The following DOCK2 variants were observed in gnomAD, a reference collection of about 807,000 sequenced individuals.
The protein encoded by DOCK2 is dedicator of cytokinesis protein 2.
DOCK2 carries 87 observed loss-of-function variants against 248.9 expected under a neutral mutation model. That is an observed-to-expected ratio of 0.35 (90% CI 0.29 to 0.42). The LOEUF (loss-of-function observed/expected upper bound fraction) is 0.42, where lower values mean the gene tolerates loss of function less well. Among genes scored for constraint, DOCK2 ranks in the 10% least tolerant of loss-of-function variants. The pLI, the probability that DOCK2 is intolerant of heterozygous loss-of-function variation, is 1.00. For synonymous variants in DOCK2, 805 were observed against 821.6 expected (o/e 0.98, Z 0.35); for missense variants, 1,747 against 2,300.2 (o/e 0.76, Z 4.92).
chr5:169,750,547 T>G (rs887960091), intron 23 of DOCK2, among the ~76,000 whole-genome samples: 2 of 152,236 alleles, frequency 1.3e-5, no homozygotes, highest in Non-Finnish European at 2.9e-5. Flanking sequence ...CTAATATGAT[T>G]ATTATGGTTT....
At chr5:169,772,941 C>T (rs1243218717) in intron 25 of DOCK2, 1 of 152,212 alleles carries the variant, frequency 6.6e-6, no homozygotes, top group Non-Finnish European at 1.5e-5. Flanking sequence ...TGGAGCGTTT[C>T]ATTTCTTCAA....
At chr5:169,728,065 G>A (rs1169748301) in intron 22 of DOCK2, among the ~76,000 whole-genome samples, 2 of 152,174 alleles carry the variant, frequency 1.3e-5, no homozygotes, top group Non-Finnish European at 2.9e-5. Flanking sequence ...GTTTACAGAT[G>A]AGGAGATGGC....
intron 27 of DOCK2, among the ~76,000 whole-genome samples, chr5:169,960,180 C>T (rs964698914): frequency 2.0e-5 from 3 of 152,182 alleles, no homozygotes; most frequent in Admixed American, 6.5e-5. Context: ...TGATAAATTT[C>T]CACCAGTGTA....
intron 27 of DOCK2, among the ~76,000 whole-genome samples, chr5:169,897,664 A>G (rs1773692364): frequency 6.6e-6 from 1 of 152,184 alleles, no homozygotes; most frequent in African/African-American, 2.4e-5. Flanking sequence ...AGCTAAAGAC[A>G]GAAGTTCCCT....
intron 8 of DOCK2, among the ~76,000 whole-genome samples, chr5:169,685,800 A>C (rs1394867252): frequency 1.3e-5 from 2 of 152,192 alleles, no homozygotes; most frequent in East Asian, 3.9e-4. Context: ...TAAGATGAGA[A>C]AATGAGGCTC....
At chr5:169,689,837 T>C (rs1009032562) in intron 9 of DOCK2, among the ~76,000 whole-genome samples, 8 of 152,350 alleles carry the variant, frequency 5.3e-5, no homozygotes, top group Non-Finnish European at 1.2e-4. Flanking sequence ...GGTGGGTCCT[T>C]AGGATCATCC....
intron 33 of DOCK2, among the ~76,000 whole-genome samples, chr5:170,025,698 G>A (rs1036524516): frequency 1.3e-5 from 2 of 152,264 alleles, no homozygotes; most frequent in East Asian, 1.9e-4. Flanking sequence ...TAGAAGGGAC[G>A]TGATTCATTT....
chr5:170,036,376 G>A lies in DOCK2; in HGVS notation c.3625-139G>A, dbSNP rs1581545370. On this transcript the variant is annotated intron_variant, in intron 35 of 51. Coordinates refer to ENST00000520908, the MANE Select transcript of DOCK2 (RefSeq NM_004946.3). ...GTTTGATGCATCTTTGGGGCATCCA[G>A]GAAAATAAGTTTCTTATTCCTATCT... The A allele has an allele frequency of 5.9e-6, 5 of 849,570 alleles. No homozygotes were observed. The East Asian group carries it at 1.3e-4, about 22-fold the overall frequency. The allele number at this position is 849,570 out of a possible 1,614,324, so 52.6% of individuals were successfully genotyped here. A position where few individuals can be genotyped will look rare whatever the true frequency, so the allele number is the denominator to read the frequency against.
intron 26 of DOCK2, among the ~76,000 whole-genome samples, chr5:169,807,695 G>A (rs1050362086): frequency 5.3e-5 from 8 of 151,704 alleles, no homozygotes; most frequent in South Asian, 4.2e-4. Context: ...TTAGCTGGGC[G>A]TGGTGGTGGG....
intron 2 of DOCK2, among the ~76,000 whole-genome samples, chr5:169,660,472 CTAT>C (rs71892872): frequency 0.2 from 30,046 of 152,086 alleles, 3,306 homozygotes; most frequent in South Asian, 0.31. Flanking sequence ...ACTCTATGTA[CTAT>C]TCTGAGACCT....
At chr5:169,799,571 T>C (rs1581206145) in intron 25 of DOCK2, among the ~76,000 whole-genome samples, 1 of 152,310 alleles carries the variant, frequency 6.6e-6, no homozygotes, top group South Asian at 2.1e-4. Context: ...AAGATAACTT[T>C]TAAAATAAAC....
chr5:170,025,396 C>T (rs1755866438), intron 33 of DOCK2, among the ~76,000 whole-genome samples: 1 of 152,236 alleles, frequency 6.6e-6, no homozygotes, highest in African/African-American at 2.4e-5. Flanking sequence ...CATCTGGCCT[C>T]CAAAGCCTAA....
intron 26 of DOCK2, among the ~76,000 whole-genome samples, chr5:169,819,618 C>G (rs1768291780): frequency 6.6e-6 from 1 of 152,124 alleles, no homozygotes; most frequent in Non-Finnish European, 1.5e-5. Context: ...AAGACCCTGT[C>G]TCGAAAAAAA....
intron 27 of DOCK2, among the ~76,000 whole-genome samples, chr5:169,880,257 G>A (rs261075): frequency 6.6e-6 from 1 of 152,198 alleles, no homozygotes; most frequent in Non-Finnish European, 1.5e-5. Flanking sequence ...TCTTTGTAAG[G>A]AGCTGATGGG....
intron 2 of DOCK2, among the ~76,000 whole-genome samples, chr5:169,664,818 A>G (rs1758632606): frequency 6.6e-6 from 1 of 152,218 alleles, no homozygotes; most frequent in Non-Finnish European, 1.5e-5. Flanking sequence ...GGGTGGGGAC[A>G]CAAAGCCAAA....
At chr5:169,667,288 C>G (rs1758791876) in intron 2 of DOCK2, among the ~76,000 whole-genome samples, 1 of 152,202 alleles carries the variant, frequency 6.6e-6, no homozygotes, top group South Asian at 2.1e-4. Flanking sequence ...TGTGGCCAAC[C>G]AGCTTTAAGG....
At chr5:169,891,842 A>C (rs947768598) in intron 27 of DOCK2, among the ~76,000 whole-genome samples, 2 of 152,052 alleles carry the variant, frequency 1.3e-5, no homozygotes, top group African/African-American at 4.8e-5. Context: ...AAAATACAAA[A>C]AAATTCTCTG....
At chr5:169,971,101 C>T (rs1414352445) in intron 27 of DOCK2, among the ~76,000 whole-genome samples, 5 of 150,868 alleles carry the variant, frequency 3.3e-5, no homozygotes, top group Admixed American at 6.6e-5. Context: ...GGATGGTAAT[C>T]GGGAGGTGTT....
intron 27 of DOCK2, chr5:169,934,952 T>C (rs1775922206): frequency 3.4e-6 from 1 of 291,542 alleles, no homozygotes; most frequent in South Asian, 3.1e-5. Flanking sequence ...GATTGTGCTA[T>C]GCTGGATACA....
Sources: allele counts gnomAD v4.1 joint callset (sites outside exome capture counted in the v4.1 genomes callset), GRCh38; gene constraint gnomAD v4.1.1; transcripts MANE v1.5; gene names NCBI Gene and HGNC (gene_info 2026-07-23, HGNC 2026-07-21).